Variants in HEBP1 observed in about 807,000 individuals in gnomAD.
HEBP1 encodes the protein heme binding protein 1, also known as heme-binding protein 1.
A neutral mutation model predicts 20.4 loss-of-function variants in HEBP1; 13 were observed. The ratio of observed to expected loss-of-function variants is 0.64; its 90% CI spans 0.42 to 1.01. HEBP1 has a LOEUF of 1.01. Among genes scored for constraint, HEBP1 ranks in the 50% least tolerant of loss-of-function variants. HEBP1 has a pLI of 0.00. For synonymous variants in HEBP1, 92 were observed against 90.7 expected (o/e 1.01, Z -0.08); for missense variants, 241 against 247.3 (o/e 0.97, Z 0.17).
intron 3 of HEBP1, among the ~76,000 whole-genome samples, chr12:12,977,234 C>T (rs961161930): frequency 1.3e-5 from 2 of 152,202 alleles, no homozygotes; most frequent in African/African-American, 2.4e-5. Context: ...ATAGTGATAA[C>T]ATCAATCTTC....
At chr12:12,995,159 A>T (rs1473876395) in intron 1 of HEBP1, among the ~76,000 whole-genome samples, 1 of 152,150 alleles carries the variant, frequency 6.6e-6, no homozygotes, top group African/African-American at 2.4e-5. Flanking sequence ...TATTCATCTA[A>T]CAGGCTCCAA....
intron 3 of HEBP1, among the ~76,000 whole-genome samples, chr12:12,983,075 A>G (rs1864106438): frequency 6.6e-6 from 1 of 152,212 alleles, no homozygotes; most frequent in Non-Finnish European, 1.5e-5. Flanking sequence ...GGTTACCCTG[A>G]AAATAAACTC....
intron 3 of HEBP1, among the ~76,000 whole-genome samples, chr12:12,976,140 C>T (rs1007765042): frequency 2.0e-5 from 3 of 149,734 alleles, no homozygotes; most frequent in Admixed American, 6.6e-5. Context: ...AATCTCAGAG[C>T]TAACAAAGGC....
At chr12:12,983,363 C>A in intron 3 of HEBP1, 2 of 211,460 alleles carry the variant, frequency 9.5e-6, no homozygotes, top group South Asian at 6.3e-5. Flanking sequence ...CATCTAAAAG[C>A]ACCGGTAATT....
intron 1 of HEBP1, among the ~76,000 whole-genome samples, chr12:12,993,193 T>A (rs963659793): frequency 7.5e-6 from 1 of 133,862 alleles, no homozygotes; most frequent in African/African-American, 2.7e-5. Flanking sequence ...TTCTTTCTCT[T>A]TCTTACAGGG....
At chr12:12,975,512 A>G in intron 3 of HEBP1, 33 bp from the exon 4 acceptor site, 1 of 1,581,184 alleles carries the variant, frequency 6.3e-7, no homozygotes, top group Non-Finnish European at 8.6e-7. Context: ...TGGTTACGAA[A>G]GGACATGACC....
intron 3 of HEBP1, chr12:12,985,509 A>C (rs557242298): frequency 6.6e-6 from 1 of 152,190 alleles, no homozygotes; most frequent in East Asian, 1.9e-4. Flanking sequence ...AAAAAATTAT[A>C]TCCACTCATT....
chr12:12,999,979 C>T, intron 1 of HEBP1, 58 bp downstream of exon 1: 2 of 1,239,530 alleles, frequency 1.6e-6, no homozygotes, highest in Non-Finnish European at 2.3e-6. Context: ...GCAGCCCCGA[C>T]GAGGGTGGGG....
intron 2 of HEBP1, among the ~76,000 whole-genome samples, 191 bp downstream of exon 2, chr12:12,989,081 ACTGGG>A (rs964143734): frequency 1.3e-5 from 2 of 152,232 alleles, no homozygotes; most frequent in African/African-American, 4.8e-5. Context: ...TGAGGGACAG[ACTGGG>A]CTGATATCAG....
At chr12:12,989,504 T>G in intron 1 of HEBP1, 89 bp from the exon 2 acceptor site, 1 of 1,319,070 alleles carries the variant, frequency 7.6e-7, no homozygotes, top group South Asian at 1.3e-5. Context: ...TAAAAAACTT[T>G]CCTTGGTGGG....
intron 1 of HEBP1, among the ~76,000 whole-genome samples, chr12:12,994,342 ATT>A (rs1864266382): frequency 1.3e-5 from 2 of 152,192 alleles, no homozygotes; most frequent in African/African-American, 4.8e-5. Context: ...TTTTGTAACC[ATT>A]AGTCCAGTGA....
intron 1 of HEBP1, among the ~76,000 whole-genome samples, chr12:12,990,869 T>C (rs956979019): frequency 2.6e-5 from 4 of 152,202 alleles, no homozygotes; most frequent in Admixed American, 6.5e-5. Context: ...ATGGATCAGC[T>C]GACACCACTC....
chr12:12,988,998 A>C (rs1864185470), intron 2 of HEBP1, among the ~76,000 whole-genome samples: 1 of 152,224 alleles, frequency 6.6e-6, no homozygotes, highest in African/African-American at 2.4e-5. Context: ...GGTTAAAAAA[A>C]AAATAGAGCC....
chr12:12,989,341 C>T lies in HEBP1; in HGVS notation c.153G>A (p.Val51=), dbSNP rs1347089358. Residue 51 remains valine, a synonymous_variant, in exon 2 of 4, where the codon GTG becomes GTA. Coordinates refer to ENST00000014930, the MANE Select transcript of HEBP1 (RefSeq NM_015987.5). Reference sequence around the variant, plus strand: ...GCATTGCTTCCCGTAGAGCCTCATCCACAGGCTTATCTGTCACTTCTACTG... The same window carrying T: ...GCATTGCTTCCCGTAGAGCCTCATCTACAGGCTTATCTGTCACTTCTACTG... ...FATVEVTDKP[V]DEALREAMPK... The T allele has an allele frequency of 1.2e-6, 2 of 1,614,218 alleles. No homozygotes were observed. Among genetic ancestry groups the T allele is most frequent in the Non-Finnish European group, 1.7e-6 (2 of 1,180,022 alleles).
intron 3 of HEBP1, among the ~76,000 whole-genome samples, chr12:12,976,711 G>T (rs1257107934): frequency 1.3e-5 from 2 of 152,156 alleles, no homozygotes; most frequent in African/African-American, 4.8e-5. Flanking sequence ...TACAGAACAT[G>T]GATGAAACTG....
intron 1 of HEBP1, among the ~76,000 whole-genome samples, chr12:12,991,865 A>G (rs1864229336): frequency 1.3e-5 from 2 of 152,170 alleles, no homozygotes; most frequent in African/African-American, 4.8e-5. Context: ...GGTCTATGTT[A>G]ATTTTACCAT....
At position 12,996,811 on chromosome 12, in the gene HEBP1, C is replaced by T. The variant is rs1401585064; in HGVS notation, c.78+3226G>A. Among the ~76,000 whole-genome samples, 1 of 152,144 alleles carries T rather than the reference C, an allele frequency of 6.6e-6. No individual in the cohort carries two copies. Among genetic ancestry groups the T allele is most frequent in the Non-Finnish European group, 1.5e-5 (1 of 68,042 alleles). On this transcript the variant is annotated intron_variant, in intron 1 of 3. Coordinates refer to ENST00000014930, the MANE Select transcript of HEBP1 (RefSeq NM_015987.5). This position sits in a 1 kb window ranked among gnomAD's most constrained non-coding sequence, Gnocchi z 4.1. ...ACAGTAAAGCTAACCATTACCATCT[C>T]CAACCAAGTACTAACATTGAACAGT...
chr12:12,982,699 C>T (rs1032590679), intron 3 of HEBP1, among the ~76,000 whole-genome samples: 2 of 152,122 alleles, frequency 1.3e-5, no homozygotes, highest in African/African-American at 4.8e-5. Flanking sequence ...GATGAGAAAA[C>T]TGAGGCTCAG....
Position 12,978,031 on chromosome 12 carries a change from G to A in HEBP1, c.399-2552C>T, listed in dbSNP as rs572922362. On this transcript the variant is annotated intron_variant, in intron 3 of 3. Coordinates refer to ENST00000014930, the MANE Select transcript of HEBP1 (RefSeq NM_015987.5). ...CAGCACTTAGGACCTAGTGAGTGAA[G>A]TGGTTACATAAGTTTCACTCACTCA... is the stretch of plus-strand genomic sequence containing the variant. Among the ~76,000 whole-genome samples, 3 of 152,178 alleles carry A rather than the reference G, an allele frequency of 2.0e-5. No homozygotes were observed. In the East Asian group the frequency reaches 5.8e-4, roughly 29 times the overall value.
Sources: gnomAD v4.1 joint callset for allele counts (sites outside exome capture counted in the v4.1 genomes callset) on GRCh38, gnomAD v4.1.1 for gene constraint, Gnocchi (gnomAD v3.1) non-coding constraint, MANE v1.5 for transcripts, NCBI Gene and HGNC (gene_info 2026-07-23, HGNC 2026-07-21) for gene names.